FAM13C: variants seen among roughly 807,000 people sequenced by gnomAD.
FAM13C encodes the protein family with sequence similarity 13 member C, also known as protein FAM13C.
FAM13C carries 37 observed loss-of-function variants against 73.2 expected under a neutral mutation model. The ratio of observed to expected loss-of-function variants is 0.51; its 90% CI spans 0.39 to 0.67. The LOEUF (loss-of-function observed/expected upper bound fraction) is 0.67. Ranked by LOEUF, FAM13C falls within the 30% of genes least tolerant of loss-of-function variation. The probability of loss-of-function intolerance (pLI) is 0.00; values close to 1 mark genes in which losing one functional copy is unlikely to be tolerated. For missense variants in FAM13C, 589 were observed against 715.6 expected (o/e 0.82, Z 2.02); for synonymous variants, 246 against 260.9 (o/e 0.94, Z 0.55).
At chr10:59,358,347 T>C (rs1162885410) in intron 1 of FAM13C, among the ~76,000 whole-genome samples, 1 of 152,132 alleles carries the variant, frequency 6.6e-6, no homozygotes, top group Non-Finnish European at 1.5e-5. Context: ...CACTGCACTC[T>C]AGCCTGGGCA....
intron 1 of FAM13C, chr10:59,360,916 G>C (rs1388808078): frequency 2.1e-6 from 1 of 484,828 alleles, no homozygotes; most frequent in East Asian, 9.4e-5. Flanking sequence ...TCTCCATTTT[G>C]AACCTGCCGT....
chr10:59,298,410 T>A lies in FAM13C; in HGVS notation c.507+4391A>T, dbSNP rs558774682. 1.6e-4 allele frequency among the ~76,000 whole-genome samples: 25 copies of A among 152,364 alleles called. 1 individual carries two copies. The South Asian group carries it at 5.0e-3, about 30-fold the overall frequency. On this transcript the variant is annotated intron_variant, in intron 5 of 13. Transcript: ENST00000618804. ...AGGTAAATGCAGAATACCTTCAAAG[T>A]ATCTATCAGATAAGAAAATAAAGTG...
chr10:59,291,990 A>G (rs569178636), intron 5 of FAM13C, among the ~76,000 whole-genome samples: 3,996 of 152,014 alleles, frequency 0.026, 86 homozygotes, highest in Non-Finnish European at 0.042. Flanking sequence ...GGGTTTCACC[A>G]TATTAGCCAG....
chr10:59,354,094 C>T (rs925616920), intron 2 of FAM13C, among the ~76,000 whole-genome samples: 6 of 152,236 alleles, frequency 3.9e-5, no homozygotes, highest in Admixed American at 6.5e-5. Context: ...TGCCCTCATT[C>T]GAGTAGGATT....
intron 6 of FAM13C, among the ~76,000 whole-genome samples, chr10:59,273,718 T>C (rs1458609829): frequency 2.0e-5 from 3 of 151,944 alleles, no homozygotes; most frequent in Non-Finnish European, 4.4e-5. Flanking sequence ...GAAGCCAGAG[T>C]GTTTCTGGCA....
chr10:59,310,815 G>C (rs1048618843), intron 4 of FAM13C, among the ~76,000 whole-genome samples: 2 of 152,134 alleles, frequency 1.3e-5, no homozygotes, highest in Non-Finnish European at 2.9e-5. Context: ...ATTAGAATCA[G>C]CCAGTATTAT....
intron 8 of FAM13C, among the ~76,000 whole-genome samples, chr10:59,264,470 G>A (rs573864448): frequency 6.6e-6 from 1 of 152,196 alleles, no homozygotes; most frequent in African/African-American, 2.4e-5. Context: ...CCATGCCAGT[G>A]CCCCTGCAGT....
chr10:59,269,937 C>G lies in FAM13C; in HGVS notation c.765G>C (p.Glu255Asp). 1.9e-6 allele frequency: 3 copies of G among 1,613,950 alleles called. No individual in the cohort carries two copies. Among genetic ancestry groups the G allele is most frequent in the Non-Finnish European group, 2.5e-6 (3 of 1,179,894 alleles). ...SQSQRFNLDP[E>D]SAPSPPSTQQ... is the part of the protein sequence containing the mutation. ...GAGTGCTGGGTGGAGATGGGGCTGA[C>G]TCGGGGTCTAAGTTGAATCTCTGGC... The change falls in exon 7 of 14, where the codon GAG (glutamate) becomes GAC (aspartate). Residue 255 changes from glutamate (E) to aspartate (D), a missense_variant. Coordinates refer to ENST00000618804, the MANE Select transcript of FAM13C (RefSeq NM_198215.4).
intron 3 of FAM13C, among the ~76,000 whole-genome samples, chr10:59,343,536 T>C (rs1215999096): frequency 6.6e-6 from 1 of 152,214 alleles, no homozygotes; most frequent in Non-Finnish European, 1.5e-5. Context: ...ATTGTACTTC[T>C]TGGTCCATTG....
chr10:59,332,188 G>T (rs1027880707), intron 3 of FAM13C, among the ~76,000 whole-genome samples: 3 of 152,006 alleles, frequency 2.0e-5, no homozygotes, highest in Non-Finnish European at 2.9e-5. Context: ...TGTATATATA[G>T]TAAGAACCCA....
chr10:59,250,067 A>T (rs1386002996), intron 13 of FAM13C, among the ~76,000 whole-genome samples: 1 of 152,202 alleles, frequency 6.6e-6, no homozygotes, highest in Non-Finnish European at 1.5e-5. Context: ...TTAAAGTGTC[A>T]TTTCTCATAT....
chr10:59,325,187 G>A (rs1850926798), intron 3 of FAM13C, among the ~76,000 whole-genome samples: 1 of 152,100 alleles, frequency 6.6e-6, no homozygotes, highest in Admixed American at 6.5e-5. Flanking sequence ...ATATATTATG[G>A]TCACAATAGA....
At chr10:59,268,342 A>G (rs1843317522) in intron 8 of FAM13C, among the ~76,000 whole-genome samples, 1 of 152,212 alleles carries the variant, frequency 6.6e-6, no homozygotes, top group Non-Finnish European at 1.5e-5. Flanking sequence ...GTTGTAATCC[A>G]TTACTAGAAA....
At chr10:59,338,714 T>C (rs1383863823) in intron 3 of FAM13C, among the ~76,000 whole-genome samples, 1 of 152,180 alleles carries the variant, frequency 6.6e-6, no homozygotes, top group Admixed American at 6.5e-5. Flanking sequence ...GTGTAGTCAC[T>C]GGATCCCAGT....
intron 5 of FAM13C, among the ~76,000 whole-genome samples, chr10:59,286,734 T>A (rs1679152925): frequency 6.6e-6 from 1 of 151,174 alleles, no homozygotes; most frequent in South Asian, 2.1e-4. Flanking sequence ...ACTACACACT[T>A]AAAAATGTTT....
At chr10:59,337,571 A>C (rs145601637) in intron 3 of FAM13C, among the ~76,000 whole-genome samples, 1 of 151,914 alleles carries the variant, frequency 6.6e-6, no homozygotes, top group East Asian at 1.9e-4. Context: ...AAAACAATAC[A>C]TTCTGATGGT....
chr10:59,311,291 T>TA (rs1021601945), intron 4 of FAM13C, among the ~76,000 whole-genome samples: 1 of 152,136 alleles, frequency 6.6e-6, no homozygotes, highest in African/African-American at 2.4e-5. Context: ...GGGTGTGGTT[T>TA]AAAAGACACT....
intron 13 of FAM13C, among the ~76,000 whole-genome samples, chr10:59,248,926 TATATAAC>T (rs1305845857): frequency 6.6e-6 from 1 of 152,222 alleles, no homozygotes; most frequent in Non-Finnish European, 1.5e-5. Context: ...TTGTCTAAAT[TATATAAC>T]ATATATCTTT....
intron 4 of FAM13C, 126 bp downstream of exon 4, chr10:59,323,862 T>G: frequency 1.2e-6 from 1 of 836,460 alleles, no homozygotes; most frequent in Non-Finnish European, 2.1e-6. Context: ...TAAGCAGCTT[T>G]TCTGACTATA....
Sources: gnomAD v4.1 joint callset for allele counts (sites outside exome capture counted in the v4.1 genomes callset) on GRCh38, gnomAD v4.1.1 for gene constraint, MANE v1.5 for transcripts, NCBI Gene and HGNC (gene_info 2026-07-23, HGNC 2026-07-21) for gene names.